Variants in NFIB observed in about 807,000 individuals in gnomAD.
NFIB encodes the protein nuclear factor I B.
Under a neutral mutation model 61.5 loss-of-function variants are expected in NFIB, and 11 were observed. The observed-to-expected ratio is 0.18, with a 90% CI of 0.11 to 0.30. The LOEUF (loss-of-function observed/expected upper bound fraction) is 0.30. Among genes scored for constraint, NFIB ranks in the 10% least tolerant of loss-of-function variants. NFIB has a pLI of 1.00. For missense variants in NFIB, 471 were observed against 608.9 expected, an observed-to-expected ratio of 0.77 and a Z score of 2.38; for synonymous variants, 260 against 216.5, an observed-to-expected ratio of 1.20 and a Z score of -1.76.
chr9:14,316,022 T>G (rs1294287188), upstream of NFIB, among the ~76,000 whole-genome samples: 2 of 151,950 alleles, frequency 1.3e-5, no homozygotes, highest in East Asian at 3.9e-4. Flanking sequence ...TCGTGATCTG[T>G]CCCCTCAACT....
chr9:14,450,430 C>T, the NFIB span, among the ~76,000 whole-genome samples: 3 of 152,268 alleles, frequency 2.0e-5, no homozygotes, highest in East Asian at 1.9e-4. Flanking sequence ...TATTATAGTT[C>T]GTTTCAAGAA....
chr9:14,257,822 G>A (rs551720849), intron 2 of NFIB, among the ~76,000 whole-genome samples: 27 of 152,152 alleles, frequency 1.8e-4, no homozygotes, highest in African/African-American at 6.5e-4. Context: ...TGCCAGCTAT[G>A]GTTTCCTTGT....
At chr9:14,462,017 G>A in the NFIB span, among the ~76,000 whole-genome samples, 1 of 152,196 alleles carries the variant, frequency 6.6e-6, no homozygotes. Flanking sequence ...AGGCAGAGAA[G>A]ACTGATTGGG....
At chr9:14,514,177 T>A in the NFIB span, among the ~76,000 whole-genome samples, 1 of 152,162 alleles carries the variant, frequency 6.6e-6, no homozygotes, top group Non-Finnish European at 1.5e-5. Flanking sequence ...ACATTTCTGT[T>A]TGTTTTCAGA....
chr9:14,504,256 A>C, the NFIB span, among the ~76,000 whole-genome samples: 1 of 152,166 alleles, frequency 6.6e-6, no homozygotes, highest in Admixed American at 6.5e-5. Context: ...GAAGTCAGGT[A>C]ATGTGATACC....
At chr9:14,489,749 T>G in the NFIB span, among the ~76,000 whole-genome samples, 1 of 152,058 alleles carries the variant, frequency 6.6e-6, no homozygotes, top group African/African-American at 2.4e-5. Flanking sequence ...GCTTTTATAT[T>G]TTACAAAATA....
intron 3 of NFIB, among the ~76,000 whole-genome samples, chr9:14,158,179 A>G (rs1353902002): frequency 1.3e-5 from 2 of 152,144 alleles, no homozygotes; most frequent in South Asian, 2.1e-4. Context: ...TACAGCTCAT[A>G]TACTTAACCA....
chr9:14,387,639 T>C lies in NFIB; in HGVS notation c.108+10885A>G, dbSNP rs377460482. On this transcript the variant is annotated intron_variant, in intron 1 of 8. Transcript: ENST00000380934. ...TTCTAACTTATTAGGAAAATGCAAA[T>C]TAAGACAAGATATCATTTCACATCT... is the stretch of plus-strand genomic sequence containing the variant. 2.6e-4 allele frequency among the ~76,000 whole-genome samples: 40 copies of C among 152,258 alleles called. No homozygotes were observed. In the East Asian group the frequency reaches 7.5e-3, roughly 29 times the overall value.
At chr9:14,528,633 G>C in the NFIB span, among the ~76,000 whole-genome samples, 1 of 152,110 alleles carries the variant, frequency 6.6e-6, no homozygotes, top group Non-Finnish European at 1.5e-5. Flanking sequence ...GCCTGGTTCT[G>C]ATGGGATCAA....
intron 1 of NFIB, among the ~76,000 whole-genome samples, chr9:14,319,597 C>T (rs1390720679): frequency 6.6e-6 from 1 of 152,118 alleles, no homozygotes; most frequent in Non-Finnish European, 1.5e-5. Context: ...CATTTTATTT[C>T]TACAGGTAAA....
chr9:14,499,190 A>G, the NFIB span, among the ~76,000 whole-genome samples: 1 of 152,152 alleles, frequency 6.6e-6, no homozygotes, highest in Admixed American at 6.5e-5. Context: ...CTAGTGAGCC[A>G]TCTACATGAC....
the NFIB span, among the ~76,000 whole-genome samples, chr9:14,523,086 G>C: frequency 1.3e-5 from 2 of 152,138 alleles, no homozygotes; most frequent in South Asian, 2.1e-4. Flanking sequence ...CTGGCTGAGA[G>C]GGACCTGATT....
chr9:14,190,082 T>A (rs2047781923), intron 2 of NFIB, among the ~76,000 whole-genome samples: 1 of 152,154 alleles, frequency 6.6e-6, no homozygotes. Context: ...GATTTCTCTA[T>A]CATGTTAGCT....
At chr9:14,089,797 A>G (rs1211620439) in intron 10 of NFIB, among the ~76,000 whole-genome samples, 1 of 152,170 alleles carries the variant, frequency 6.6e-6, no homozygotes, top group Admixed American at 6.5e-5. Flanking sequence ...CAGAATATCA[A>G]CCTAAAGGAA....
At chr9:14,133,919 G>T (rs771872654) in intron 6 of NFIB, among the ~76,000 whole-genome samples, 5 of 132,290 alleles carry the variant, frequency 3.8e-5, no homozygotes, top group Non-Finnish European at 7.6e-5. Context: ...GTGTCCTGAA[G>T]GAGGAAGAAA....
intron 2 of NFIB, among the ~76,000 whole-genome samples, chr9:14,238,270 CAG>C (rs1340908409): frequency 6.6e-6 from 1 of 152,008 alleles, no homozygotes; most frequent in Non-Finnish European, 1.5e-5. Context: ...AAAGGGCAGG[CAG>C]AGTGACTCAC....
chr9:14,255,569 A>C (rs1172182882), intron 2 of NFIB, among the ~76,000 whole-genome samples: 2 of 152,232 alleles, frequency 1.3e-5, no homozygotes, highest in Admixed American at 1.3e-4. Context: ...AATTAGTTCT[A>C]ATATAACATG....
chr9:14,102,544 C>T, intron 10 of NFIB: 6 of 1,520,524 alleles, frequency 3.9e-6, no homozygotes, highest in Non-Finnish European at 5.4e-6. Flanking sequence ...AGATATGGAT[C>T]GAGCAGTACT....
chr9:14,471,837 G>C, the NFIB span, among the ~76,000 whole-genome samples: 3 of 152,204 alleles, frequency 2.0e-5, no homozygotes, highest in Non-Finnish European at 4.4e-5. Context: ...CTGTTTCCCA[G>C]TTGGGACAAA....
Sources: allele counts gnomAD v4.1 joint callset (sites outside exome capture counted in the v4.1 genomes callset), GRCh38; gene constraint gnomAD v4.1.1; transcripts MANE v1.5; gene names NCBI Gene and HGNC (gene_info 2026-07-23, HGNC 2026-07-21).